Variants in SLC4A4 observed in about 807,000 individuals in gnomAD.
The protein encoded by SLC4A4 is solute carrier family 4 member 4.
A neutral mutation model predicts 111.5 loss-of-function variants in SLC4A4; 27 were observed. The observed-to-expected ratio is 0.24, with a 90% CI of 0.18 to 0.33. The LOEUF (loss-of-function observed/expected upper bound fraction) is 0.33, where lower values mean the gene tolerates loss of function less well. SLC4A4 is among the 10% of genes least tolerant of loss of function. The pLI, the probability that SLC4A4 is intolerant of heterozygous loss-of-function variation, is 1.00. For synonymous variants in SLC4A4, 443 were observed against 463.4 expected (o/e 0.96, Z 0.57); for missense variants, 909 against 1,315.5 (o/e 0.69, Z 4.78).
At chr4:71,302,302 C>T (rs1031427722) in intron 3 of SLC4A4, among the ~76,000 whole-genome samples, 5 of 152,186 alleles carry the variant, frequency 3.3e-5, no homozygotes, top group South Asian at 2.1e-4. Flanking sequence ...CTTGCTGAGC[C>T]TGGACAAGTC....
intron 1 of SLC4A4, among the ~76,000 whole-genome samples, chr4:71,235,376 A>G (rs1719729682): frequency 6.6e-6 from 1 of 152,276 alleles, no homozygotes; most frequent in Non-Finnish European, 1.5e-5. Flanking sequence ...TAAGTTATAC[A>G]GACAATATGG....
At chr4:71,282,195 T>A (rs1470073619) in intron 3 of SLC4A4, among the ~76,000 whole-genome samples, 1 of 151,962 alleles carries the variant, frequency 6.6e-6, no homozygotes, top group African/African-American at 2.4e-5. Flanking sequence ...AAGTAGGCCC[T>A]GTGAAAAGCC....
At chr4:71,092,956 G>A (rs1030458173) in intron 2 of SLC4A4, among the ~76,000 whole-genome samples, 4 of 151,940 alleles carry the variant, frequency 2.6e-5, no homozygotes, top group African/African-American at 4.8e-5. Flanking sequence ...TTAGCTGGGC[G>A]TGGTGGCGTG....
At chr4:71,180,466 A>G (rs1375155781) in intron 2 of SLC4A4, among the ~76,000 whole-genome samples, 1 of 152,232 alleles carries the variant, frequency 6.6e-6, no homozygotes, top group Non-Finnish European at 1.5e-5. Flanking sequence ...ACAAAGGGCT[A>G]ATATCCAGAA....
chr4:71,161,086 C>A (rs1744606914), intron 2 of SLC4A4, among the ~76,000 whole-genome samples: 1 of 152,158 alleles, frequency 6.6e-6, no homozygotes, highest in Non-Finnish European at 1.5e-5. Context: ...GGAGAGACTT[C>A]CAGTGTTTCC....
At position 71,297,509 on chromosome 4, in the gene SLC4A4, AACACACAC is replaced by A. The variant is rs61184918; in HGVS notation, c.254-41826_254-41819del. On this transcript the variant is annotated intron_variant, in intron 3 of 25. Transcript: ENST00000264485. ...CTGGCTTGATACACACACACAGACAAACACACACACACACACACACACACACACACACA... is the reference window on the plus strand; with the variant it reads ...CTGGCTTGATACACACACACAGACAAACACACACACACACACACACACACA... 4.4e-3 allele frequency among the ~76,000 whole-genome samples: 584 copies of A among 132,120 alleles called. 4 individuals carry two copies. Among genetic ancestry groups the A allele is most frequent in the South Asian group, 0.014 (55 of 3,794 alleles). The allele number at this position is 132,120 out of a possible 152,430, so 86.7% of individuals were successfully genotyped here.
chr4:71,371,123 A>G (rs549011615), intron 6 of SLC4A4, among the ~76,000 whole-genome samples: 3 of 152,152 alleles, frequency 2.0e-5, no homozygotes, highest in East Asian at 3.9e-4. Context: ...CTACCTATTC[A>G]ACCTCACTTT....
intron 20 of SLC4A4, 58 bp downstream of exon 20, chr4:71,547,778 T>C (rs548560250): frequency 2.2e-6 from 3 of 1,384,528 alleles, no homozygotes; most frequent in African/African-American, 1.4e-5. Context: ...TAATTGGACA[T>C]GTGAAGAGTG....
chr4:71,523,835 T>G (rs560654075), intron 16 of SLC4A4, among the ~76,000 whole-genome samples: 86 of 152,224 alleles, frequency 5.6e-4, no homozygotes, highest in African/African-American at 2.0e-3. Context: ...TTTATTTGAG[T>G]TTTATCTAAG....
At chr4:71,230,334 G>T (rs1393535570) in intron 1 of SLC4A4, among the ~76,000 whole-genome samples, 1 of 152,170 alleles carries the variant, frequency 6.6e-6, no homozygotes, top group Non-Finnish European at 1.5e-5. Context: ...AAAGGCCCTT[G>T]TATACACTTA....
chr4:71,101,778 C>T (rs2148946582), intron 2 of SLC4A4, among the ~76,000 whole-genome samples: 1 of 152,068 alleles, frequency 6.6e-6, no homozygotes, highest in Non-Finnish European at 1.5e-5. Flanking sequence ...TGTACATCAC[C>T]ATCATCAAAG....
intron 3 of SLC4A4, among the ~76,000 whole-genome samples, chr4:71,335,376 A>G (rs952894069): frequency 6.6e-6 from 1 of 152,204 alleles, no homozygotes; most frequent in East Asian, 1.9e-4. Flanking sequence ...CCTTAGAAGT[A>G]TTGTCCAGAC....
intron 2 of SLC4A4, among the ~76,000 whole-genome samples, chr4:71,095,086 G>A (rs533194589): frequency 4.3e-4 from 66 of 152,284 alleles, no homozygotes; most frequent in African/African-American, 1.5e-3. Flanking sequence ...TCTTTTCAGA[G>A]AGCACTATGT....
chr4:71,204,834 A>G (rs905592927), intron 1 of SLC4A4, among the ~76,000 whole-genome samples: 3 of 152,234 alleles, frequency 2.0e-5, no homozygotes, highest in Non-Finnish European at 4.4e-5. Flanking sequence ...GTTGCACTGT[A>G]TGACATATAT....
chr4:71,092,346 AT>A (rs1267376441), intron 1 of SLC4A4, among the ~76,000 whole-genome samples: 1 of 152,114 alleles, frequency 6.6e-6, no homozygotes, highest in East Asian at 1.9e-4. Flanking sequence ...TTTTTCCTAC[AT>A]TTTCTTATAC....
At chr4:71,342,296 G>A (rs1728962045) in intron 4 of SLC4A4, among the ~76,000 whole-genome samples, 1 of 152,142 alleles carries the variant, frequency 6.6e-6, no homozygotes, top group Non-Finnish European at 1.5e-5. Context: ...GGCTTCCAAA[G>A]CAAAAGCTTT....
chr4:71,109,825 G>A (rs1743040720), intron 2 of SLC4A4, among the ~76,000 whole-genome samples: 2 of 152,116 alleles, frequency 1.3e-5, no homozygotes, highest in South Asian at 4.1e-4. Flanking sequence ...TTATAGACAT[G>A]AGCCACCACA....
intron 2 of SLC4A4, among the ~76,000 whole-genome samples, chr4:71,237,135 G>A (rs1032450317): frequency 3.3e-5 from 5 of 152,190 alleles, no homozygotes; most frequent in African/African-American, 1.2e-4. Context: ...ATGGATGACT[G>A]TCAGTTAGGA....
At chr4:71,512,600 G>T (rs1353034514) in intron 16 of SLC4A4, among the ~76,000 whole-genome samples, 6 of 152,054 alleles carry the variant, frequency 3.9e-5, no homozygotes, top group Non-Finnish European at 8.8e-5. Flanking sequence ...TCTCTTCATT[G>T]TGTAGATTAT....
Sources: gnomAD v4.1 joint callset for allele counts (sites outside exome capture counted in the v4.1 genomes callset) on GRCh38, gnomAD v4.1.1 for gene constraint, MANE v1.5 for transcripts, NCBI Gene and HGNC (gene_info 2026-07-23, HGNC 2026-07-21) for gene names.